The following ABTB1 variants were observed in gnomAD, a reference collection of about 807,000 sequenced individuals.
ABTB1 encodes the protein ankyrin repeat and BTB domain containing 1, also known as ankyrin repeat and BTB/POZ domain-containing protein 1.
A neutral mutation model predicts 57.1 loss-of-function variants in ABTB1; 45 were observed. The ratio of observed to expected loss-of-function variants is 0.79; its 90% CI spans 0.62 to 1.01. The LOEUF is 1.01. ABTB1 is among the 50% of genes least tolerant of loss of function. The pLI is 0.00. For missense variants in ABTB1, 630 were observed against 666.3 expected (o/e 0.95, Z 0.60); for synonymous variants, 302 against 275.4 (o/e 1.10, Z -0.95).
rs551191476 is a variant in ABTB1, at chr3:127,677,706, C to T, written c.892C>T (p.Arg298Ter). Residue 298 changes from arginine (R) to a stop codon, truncating the protein, a stop_gained, in exon 10 of 12, where the codon CGA (arginine) becomes TGA (stop). Coordinates refer to ENST00000232744, the MANE Select transcript of ABTB1 (RefSeq NM_172027.3). LOFTEE classifies it high-confidence loss of function. ...TTTCTGTGGCCGCAGTGACTACTTCCGAGCCCTGCTGGATGACCACTTCCG... is the reference window on the plus strand; with the variant it reads ...TTTCTGTGGCCGCAGTGACTACTTCTGAGCCCTGCTGGATGACCACTTCCG... ...AFFCGRSDYF[R>*]ALLDDHFRES... 242 of 1,609,260 alleles carry T rather than the reference C, an allele frequency of 1.5e-4. No homozygotes were observed. The highest frequency in any genetic ancestry group is 5.9e-4 in the South Asian group (53 of 90,540).
intron 3 of ABTB1, among the ~76,000 whole-genome samples, chr3:127,675,161 C>G (rs2074948414): frequency 6.6e-6 from 1 of 152,150 alleles, no homozygotes; most frequent in Non-Finnish European, 1.5e-5. Flanking sequence ...TCACATGGCC[C>G]ACTCCCCCTT....
Position 127,680,172 on chromosome 3 carries a change from A to G in ABTB1, c.1217A>G (p.Lys406Arg). 3.1e-6 allele frequency: 5 copies of G among 1,613,888 alleles called. No individual in the cohort carries two copies. Among genetic ancestry groups the G allele is most frequent in the Non-Finnish European group, 3.4e-6 (4 of 1,179,974 alleles). Residue 406 changes from lysine (K) to arginine (R), a missense_variant, in exon 11 of 12, where the codon AAG (lysine) becomes AGG (arginine). Transcript: ENST00000232744. ...LEDQCTEYMA[K>R]VIEKLVERED... ...GACCAGTGCACTGAGTACATGGCCA[A>G]GGTCATTGAGAAGGTGGGCCAGTGG...
intron 10 of ABTB1, 76 bp downstream of exon 10, chr3:127,677,919 G>T: frequency 6.5e-7 from 1 of 1,535,756 alleles, no homozygotes. Context: ...CAGGGCCCTG[G>T]GGGTCTGTGG....
chr3:127,679,932 C>T, intron 10 of ABTB1, 53 bp from the exon 11 acceptor site: 2 of 1,588,046 alleles, frequency 1.3e-6, no homozygotes, highest in Non-Finnish European at 1.7e-6. Flanking sequence ...CTGTTGTGCC[C>T]TGGGAGCCCT....
Position 127,680,104 on chromosome 3 carries a change from T to C in ABTB1, c.1149T>C (p.Gly383=). The change falls in exon 11 of 12, where the codon GGT becomes GGC. Residue 383 remains glycine (G), a synonymous_variant. Coordinates refer to ENST00000232744, the MANE Select transcript of ABTB1 (RefSeq NM_172027.3). ...AQMLDEDTVV[G]VWRVAKLFRL... ...TGCTAGACGAGGACACTGTGGTGGG[T>C]GTGTGGCGCGTGGCCAAGCTCTTCC... 2.5e-6 allele frequency: 4 copies of C among 1,613,830 alleles called. No homozygotes were observed. The highest frequency in any genetic ancestry group is 3.4e-6 in the Non-Finnish European group (4 of 1,180,028).
chr3:127,674,659 G>GTGCA (rs113834781), intron 3 of ABTB1, 59 bp downstream of exon 3: 15 of 1,586,668 alleles, frequency 9.5e-6, no homozygotes, highest in African/African-American at 4.0e-5. Flanking sequence ...GTGCGTGTGG[G>GTGCA]TGCATGCATG....
Position 127,677,793 on chromosome 3 carries a change from C to G in ABTB1, c.979C>G (p.Pro327Ala), listed in dbSNP as rs749535722. The G allele has an allele frequency of 1.4e-5, 23 of 1,612,602 alleles. No homozygotes were observed. The highest frequency in any genetic ancestry group is 1.9e-5 in the Non-Finnish European group (22 of 1,179,680). Residue 327 changes from proline to alanine, a missense_variant, in exon 10 of 12, where the codon CCC (proline) becomes GCC (alanine). Physicochemically the swap from Pro to Ala is conservative, Grantham distance 27. Around this residue, in one of 3 missense-constraint regions of ABTB1, gnomAD observed 579 missense variants for 585.9 expected, o/e 0.99. Coordinates refer to ENST00000232744, the MANE Select transcript of ABTB1 (RefSeq NM_172027.3). ...PPAVTLHGIS[P>A]DVFTHVLYYM... Reference sequence around the variant, plus strand: ...AGCCGTCACCCTGCATGGCATCTCACCCGACGTCTTCACTCACGTGCTCTA... The same window carrying G: ...AGCCGTCACCCTGCATGGCATCTCAGCCGACGTCTTCACTCACGTGCTCTA...
rs1229626022 is a variant in ABTB1, at chr3:127,680,794, C to A, written c.*319C>A. On this transcript the variant is annotated 3_prime_UTR_variant, in exon 12 of 12. Coordinates refer to ENST00000232744, the MANE Select transcript of ABTB1 (RefSeq NM_172027.3). ...AGATCCCCCCTACCCACCCCAGTCCCAAATCCAGTCCTCTGGCCCTTGCCT... is the reference window on the plus strand; with the variant it reads ...AGATCCCCCCTACCCACCCCAGTCCAAAATCCAGTCCTCTGGCCCTTGCCT... 1.5e-6 allele frequency: 1 copy of A among 660,518 alleles called. No individual in the cohort carries two copies. The highest frequency in any genetic ancestry group is 2.5e-5 in the East Asian group (1 of 39,608). The allele number at this position is 660,518 out of a possible 1,614,324, so 40.9% of individuals were successfully genotyped here. A position where few individuals can be genotyped will look rare whatever the true frequency, so the allele number is the denominator to read the frequency against.
chr3:127,673,943 C>A (rs1380710154), intron 1 of ABTB1, among the ~76,000 whole-genome samples: 1 of 152,212 alleles, frequency 6.6e-6, no homozygotes, highest in Non-Finnish European at 1.5e-5. Context: ...GTTGCTGTAT[C>A]CCGCGACTCC....
intron 1 of ABTB1, 94 bp downstream of exon 1, chr3:127,673,175 G>A: frequency 1.5e-6 from 2 of 1,312,238 alleles, no homozygotes; most frequent in East Asian, 6.7e-5. Flanking sequence ...CCGCGGAGAG[G>A]CGGGCGCCTC....
At chr3:127,679,554 T>C in intron 10 of ABTB1, 1 of 460,158 alleles carries the variant, frequency 2.2e-6, no homozygotes, top group Middle Eastern at 3.2e-4. Flanking sequence ...TAGCTGCCTC[T>C]GTCCCACCAT....
intron 3 of ABTB1, among the ~76,000 whole-genome samples, chr3:127,674,845 G>A (rs1350650352): frequency 1.3e-5 from 2 of 152,300 alleles, no homozygotes; most frequent in East Asian, 1.9e-4. Flanking sequence ...CCCCGGACAC[G>A]GTGCCTGCCT....
At chr3:127,674,653 G>A (rs555066978) in intron 3 of ABTB1, 53 bp downstream of exon 3, 116 of 1,600,236 alleles carry the variant, frequency 7.2e-5, no homozygotes, top group Non-Finnish European at 9.1e-5. Context: ...GCATGTGTGC[G>A]TGTGGGTGCA....
chr3:127,680,565 G>C lies in ABTB1; in HGVS notation c.*90G>C. 6.7e-7 allele frequency: 1 copy of C among 1,482,106 alleles called. No homozygotes were observed. The highest frequency in any genetic ancestry group is 1.1e-5 in the South Asian group (1 of 88,268). The allele number at this position is 1,482,106 out of a possible 1,614,324, so 91.8% of individuals were successfully genotyped here. On this transcript the variant is annotated 3_prime_UTR_variant, in exon 12 of 12. Transcript: ENST00000232744. Reference sequence around the variant, plus strand: ...TGTGCAGCTCTTCTTCCTGCTCCCTGCACATTGAGGGCTTCATGGGGGGTG... The same window carrying C: ...TGTGCAGCTCTTCTTCCTGCTCCCTCCACATTGAGGGCTTCATGGGGGGTG...
At chr3:127,674,286 T>A (rs535145806) in intron 1 of ABTB1, 105 bp from the exon 2 acceptor site, 37 of 1,460,094 alleles carry the variant, frequency 2.5e-5, no homozygotes, top group Non-Finnish European at 3.4e-5. Flanking sequence ...TGGGGGAGGC[T>A]TCCCCATACC....
rs1576440800 is a variant in ABTB1, at chr3:127,673,258, A to T, written c.56+177A>T. ...ACCCCCGCCGCAGCCCCCCAGCGGA[A>T]GCGCGCTGGGGCGGGGACACTGATG... is the stretch of plus-strand genomic sequence containing the variant. On this transcript the variant is annotated intron_variant, in intron 1 of 11. Coordinates refer to ENST00000232744, the MANE Select transcript of ABTB1 (RefSeq NM_172027.3). The T allele has an allele frequency of 1.7e-5, 9 of 538,284 alleles. No homozygotes were observed. In the East Asian group the frequency reaches 3.7e-4, roughly 22 times the overall value. 33.3% of individuals were successfully genotyped at this position (538,284 alleles called of 1,614,324 possible).
chr3:127,680,255 C>G lies in ABTB1; in HGVS notation c.1231-14C>G, dbSNP rs147413550. ...CAGGCACCCCTCCACTGAGCTGGCC[C>G]TTCCCGCTCATAGCTGGTGGAGCGG... is the stretch of plus-strand genomic sequence containing the variant. On this transcript the variant is annotated splice_polypyrimidine_tract_variant and intron_variant, in intron 11 of 11. Transcript: ENST00000232744. 2.5e-3 allele frequency: 4,017 copies of G among 1,613,560 alleles called. 19 individuals carry two copies. The highest frequency in any genetic ancestry group is 3.9e-3 in the South Asian group (357 of 91,066).
chr3:127,678,146 C>T, intron 10 of ABTB1: 1 of 341,194 alleles, frequency 2.9e-6, no homozygotes, highest in Admixed American at 4.3e-5. Flanking sequence ...AGCCTCCTCT[C>T]TGTGGTGCTG....
Position 127,676,122 on chromosome 3 carries a change from A to G in ABTB1, c.320+8A>G. On this transcript the variant is annotated splice_region_variant and intron_variant, in intron 4 of 11. Coordinates refer to ENST00000232744, the MANE Select transcript of ABTB1 (RefSeq NM_172027.3). This position sits in a 1 kb window ranked among gnomAD's most constrained non-coding sequence, Gnocchi z 5.4. ...TGACGACTTCTTGCAGCGGTGAGCC[A>G]GGGCACACGAGGGGTGCAGCATGGG... 1 of 1,612,748 alleles carries G rather than the reference A, an allele frequency of 6.2e-7. No homozygotes were observed.
Sources: allele counts gnomAD v4.1 joint callset (sites outside exome capture counted in the v4.1 genomes callset), GRCh38; gene constraint gnomAD v4.1.1; regional missense constraint gnomAD v4.1.1; non-coding constraint Gnocchi (gnomAD v3.1); transcripts MANE v1.5; gene names NCBI Gene and HGNC (gene_info 2026-07-23, HGNC 2026-07-21).